ANO1: variants seen among roughly 807,000 people sequenced by gnomAD.
The protein encoded by ANO1 is anoctamin-1.
ANO1 carries 59 observed loss-of-function variants against 124.0 expected under a neutral mutation model. The observed-to-expected ratio is 0.48, with a 90% CI of 0.39 to 0.59. The LOEUF (loss-of-function observed/expected upper bound fraction) is 0.59, where lower values mean the gene tolerates loss of function less well. Among genes scored for constraint, ANO1 ranks in the 20% least tolerant of loss-of-function variants. The pLI, the probability that ANO1 is intolerant of heterozygous loss-of-function variation, is 0.00. For missense variants in ANO1, 1,059 were observed against 1,328.0 expected, an observed-to-expected ratio of 0.80 and a Z score of 3.15; for synonymous variants, 529 against 532.0, an observed-to-expected ratio of 0.99 and a Z score of 0.08.
intron 1 of ANO1, among the ~76,000 whole-genome samples, chr11:70,047,208 A>G (rs537369728): frequency 3.3e-5 from 5 of 152,134 alleles, no homozygotes. Flanking sequence ...TAATAATAAT[A>G]TATCAGGATT....
chr11:70,065,967 A>C (rs1280465604), intron 1 of ANO1, among the ~76,000 whole-genome samples: 1 of 152,146 alleles, frequency 6.6e-6, no homozygotes, highest in African/African-American at 2.4e-5. Context: ...CACAGCAGTC[A>C]TCACCATCTG....
upstream of ANO1, among the ~76,000 whole-genome samples, chr11:70,078,039 G>A (rs1182242905): frequency 6.6e-6 from 1 of 152,126 alleles, no homozygotes; most frequent in African/African-American, 2.4e-5. Flanking sequence ...TCCCCCCGGA[G>A]GCGGAGGTGA....
At position 70,161,257 on chromosome 11, in the gene ANO1, A is replaced by G. The variant is rs2048032739; in HGVS notation, c.1675A>G (p.Asn559Asp). 6.2e-7 allele frequency: 1 copy of G among 1,613,916 alleles called. No individual in the cohort carries two copies. Among genetic ancestry groups the G allele is most frequent in the Non-Finnish European group, 8.5e-7 (1 of 1,179,808 alleles). The change falls in exon 17 of 26, where the codon AAC becomes GAC. Residue 559 changes from asparagine (N) to aspartate (D), a missense_variant. Physicochemically the swap from Asn to Asp is conservative, Grantham distance 23 (BLOSUM62 1). This residue lies in a region of ANO1 where 809 missense variants were observed against 1,094.9 expected (regional missense o/e 0.74). Coordinates refer to ENST00000355303, the MANE Select transcript of ANO1 (RefSeq NM_018043.7). ...AMNSSPSVRS[N>D]IRVTVTATAV... is the part of the protein sequence containing the mutation. Reference sequence around the variant, plus strand: ...GAACTCCTCCCCCTCCGTGCGGTCCAACATCCGGGTCACAGTCACAGCCAC... The same window carrying G: ...GAACTCCTCCCCCTCCGTGCGGTCCGACATCCGGGTCACAGTCACAGCCAC...
chr11:70,132,200 G>A (rs2046786142), intron 11 of ANO1, 121 bp downstream of exon 11: 1 of 1,309,798 alleles, frequency 7.6e-7, no homozygotes, highest in South Asian at 1.5e-5. Flanking sequence ...AAAAACATAG[G>A]GGAAGGGGGC....
At chr11:70,010,516 TA>T (rs1565159831) in intron 1 of ANO1, among the ~76,000 whole-genome samples, 1 of 151,906 alleles carries the variant, frequency 6.6e-6, no homozygotes. Context: ...GGATCACATT[TA>T]AACATGAGGC....
rs548030158 is a variant in ANO1 at position 70,035,882 on chromosome 11, C to A, written c.59-42660C>A. Among the ~76,000 whole-genome samples, 4 of 152,260 alleles carry A rather than the reference C, an allele frequency of 2.6e-5. No homozygotes were observed. The East Asian group carries it at 7.7e-4, about 29-fold the overall frequency. On this transcript the variant is annotated intron_variant, in intron 1 of 27. Transcript: ENST00000531349. ...TTCTTTTTTATGGCTGCATAGTATT[C>A]CATGGTGTATATGTGCCACATTTTC...
chr11:70,058,275 G>A lies in ANO1; in HGVS notation c.59-20267G>A, dbSNP rs190645133. On this transcript the variant is annotated intron_variant, in intron 1 of 27. Coordinates refer to the ANO1 transcript ENST00000531349. ...GTTCAGCATAATTATTTACTTGGAT[G>A]GCAAGTTTTTGGGCTCTATCCTTGA... Among the ~76,000 whole-genome samples, 137 of 152,312 alleles carry A rather than the reference G, an allele frequency of 9.0e-4. 4 individuals carry two copies. Among genetic ancestry groups the A allele is most frequent in the Admixed American group, 8.8e-3 (135 of 15,304 alleles).
intron 1 of ANO1, among the ~76,000 whole-genome samples, chr11:70,001,315 G>T (rs540937988): frequency 4.6e-5 from 7 of 152,206 alleles, no homozygotes; most frequent in African/African-American, 1.7e-4. Context: ...TGAGAAAACT[G>T]TACCAGACCC....
At chr11:70,055,316 T>C (rs1247301771) in intron 1 of ANO1, among the ~76,000 whole-genome samples, 3 of 152,130 alleles carry the variant, frequency 2.0e-5, no homozygotes, top group Non-Finnish European at 4.4e-5. Flanking sequence ...AATTAATGGT[T>C]TATTCCTTAT....
intron 1 of ANO1, chr11:70,085,676 G>A (rs1590687099): frequency 2.0e-6 from 3 of 1,471,206 alleles, no homozygotes; most frequent in South Asian, 1.4e-5. Context: ...GAAAGGTGGG[G>A]CAGCCCCCAA....
At chr11:69,974,255 G>A in the ANO1 span, among the ~76,000 whole-genome samples, 1 of 152,120 alleles carries the variant, frequency 6.6e-6, no homozygotes, top group Non-Finnish European at 1.5e-5. Context: ...GGAAGCAGAG[G>A]AAGCAGAGGA....
chr11:70,186,395 G>GAAGA (rs1161253873), intron 25 of ANO1, among the ~76,000 whole-genome samples: 21 of 146,088 alleles, frequency 1.4e-4, no homozygotes, highest in East Asian at 8.5e-4. Context: ...AGGAAGGAAG[G>GAAGA]AAGAAAGACA....
At chr11:70,132,197 T>C (rs757547717) in intron 11 of ANO1, 118 bp downstream of exon 11, 105 of 1,322,048 alleles carry the variant, frequency 7.9e-5, no homozygotes, top group Admixed American at 1.2e-4. Context: ...GGAAAAAACA[T>C]AGGGGAAGGG....
intron 10 of ANO1, among the ~76,000 whole-genome samples, chr11:70,128,328 T>G (rs1196951189): frequency 6.6e-6 from 1 of 152,158 alleles, no homozygotes; most frequent in East Asian, 1.9e-4. Context: ...CCAGACTTGG[T>G]GGGGATTGTA....
intron 7 of ANO1, among the ~76,000 whole-genome samples, chr11:70,115,407 G>A (rs1283810904): frequency 2.0e-5 from 3 of 152,066 alleles, no homozygotes; most frequent in Non-Finnish European, 4.4e-5. Context: ...GAGGTCAGGA[G>A]TTTGAGACCA....
chr11:70,057,930 CA>C (rs1300891708), intron 1 of ANO1, among the ~76,000 whole-genome samples: 3 of 152,050 alleles, frequency 2.0e-5, no homozygotes, highest in East Asian at 1.9e-4. Flanking sequence ...GTTGGGGCAG[CA>C]AAAAATTTTG....
intron 1 of ANO1, among the ~76,000 whole-genome samples, chr11:70,029,177 TG>T (rs1285287417): frequency 6.6e-6 from 1 of 152,296 alleles, no homozygotes; most frequent in African/African-American, 2.4e-5. Flanking sequence ...ACTGGGGTGA[TG>T]GGTGAGCAAA....
intron 11 of ANO1, among the ~76,000 whole-genome samples, chr11:70,144,135 TA>T (rs1260490419): frequency 6.6e-6 from 1 of 152,162 alleles, no homozygotes; most frequent in Non-Finnish European, 1.5e-5. Context: ...TATTTATATT[TA>T]TTTATATATA....
intron 1 of ANO1, among the ~76,000 whole-genome samples, chr11:70,007,960 G>GT (rs1856524330): frequency 6.6e-6 from 1 of 152,138 alleles, no homozygotes; most frequent in Non-Finnish European, 1.5e-5. Flanking sequence ...ATCCCAGTGG[G>GT]TGTGAGGTGG....
Sources: allele counts gnomAD v4.1 joint callset (sites outside exome capture counted in the v4.1 genomes callset), GRCh38; gene constraint gnomAD v4.1.1; regional missense constraint gnomAD v4.1.1; transcripts MANE v1.5; gene names NCBI Gene and HGNC (gene_info 2026-07-23, HGNC 2026-07-21).